CFAP97: variants seen among roughly 807,000 people sequenced by gnomAD.
The protein encoded by CFAP97 is cilia and flagella associated protein 97.
A neutral mutation model predicts 43.1 loss-of-function variants in CFAP97; 36 were observed. The ratio of observed to expected loss-of-function variants is 0.84; its 90% confidence interval spans 0.64 to 1.10. The LOEUF (loss-of-function observed/expected upper bound fraction) is 1.10, where lower values mean the gene tolerates loss of function less well. Ranked by LOEUF, CFAP97 falls within the 50% of genes least tolerant of loss-of-function variation. The pLI, the probability that CFAP97 is intolerant of heterozygous loss-of-function variation, is 0.00. For synonymous variants in CFAP97, 228 were observed against 225.7 expected, an observed-to-expected ratio of 1.01 and a Z score of -0.09; for missense variants, 657 against 620.3, an observed-to-expected ratio of 1.06 and a Z score of -0.63.
At chr4:185,179,469 T>G (rs1189344938) in intron 2 of CFAP97, among the ~76,000 whole-genome samples, 1 of 152,142 alleles carries the variant, frequency 6.6e-6, no homozygotes, top group East Asian at 1.9e-4. Context: ...TGAGGCTAGG[T>G]CATAAAAGGC....
At chr4:185,169,866 A>G (rs1221208384) in intron 3 of CFAP97, 4 of 985,892 alleles carry the variant, frequency 4.1e-6, no homozygotes, top group South Asian at 4.7e-5. Context: ...ACGGAAGGAG[A>G]TAACAGACCT....
intron 1 of CFAP97, among the ~76,000 whole-genome samples, chr4:185,193,174 C>G (rs1167652370): frequency 6.6e-6 from 1 of 152,108 alleles, no homozygotes; most frequent in Non-Finnish European, 1.5e-5. Flanking sequence ...ACAAATATGC[C>G]TGGGGTGGCA....
At chr4:185,205,500 A>G (rs192056153), upstream of CFAP97, among the ~76,000 whole-genome samples, 173 of 152,132 alleles carry the variant, frequency 1.1e-3, 1 homozygote, top group Middle Eastern at 0.01. Context: ...AGTGCTTAAT[A>G]AAACTGTGTT....
In CFAP97 at chr4:185,190,827, C is replaced by T; in HGVS notation, c.370G>A (p.Val124Ile). 1 of 1,609,236 alleles carries T rather than the reference C, an allele frequency of 6.2e-7. No individual in the cohort carries two copies. Among genetic ancestry groups the T allele is most frequent in the Non-Finnish European group, 8.5e-7 (1 of 1,177,364 alleles). ...TAGTAATCATCTTCACCTTCTTTTA[C>T]AATTTTGGGAATTCTATTTGGAATG... ...VSIPNRIPKI[V>I]KEGEDDYYTD... Residue 124 changes from valine (V) to isoleucine (I), a missense_variant, in exon 2 of 5, where the codon GTA (valine) becomes ATA (isoleucine). Val to Ile is a conservative substitution (Grantham distance 29). Coordinates refer to ENST00000458385, the MANE Select transcript of CFAP97 (RefSeq NM_020827.3).
chr4:185,180,057 A>G (rs577822103), intron 2 of CFAP97, among the ~76,000 whole-genome samples: 66 of 151,756 alleles, frequency 4.3e-4, no homozygotes, highest in Non-Finnish European at 5.0e-4. Flanking sequence ...AATAGGATTG[A>G]TAAGTTTTAC....
In CFAP97 at chr4:185,162,748, G is replaced by T; in HGVS notation, c.*50C>A. On this transcript the variant is annotated 3_prime_UTR_variant, in exon 5 of 5. Transcript: ENST00000458385. ...CACAGAGAATTATAGGAATATGCAC[G>T]AGCACTTCAAGAAAAGTTGTGTGAA... The T allele has an allele frequency of 1.3e-6, 2 of 1,576,780 alleles. No homozygotes were observed. The highest frequency in any genetic ancestry group is 2.3e-5 in the South Asian group (2 of 87,518).
upstream of CFAP97, chr4:185,210,238 G>T: frequency 1.0e-6 from 1 of 984,872 alleles, no homozygotes; most frequent in Non-Finnish European, 1.2e-6. This position sits in a 1 kb window ranked among gnomAD's most constrained non-coding sequence, Gnocchi z 4.4. Context: ...GACCTCAGCC[G>T]CCCGCCGCCC....
At chr4:185,204,644 T>G (rs1008669588), upstream of CFAP97, among the ~76,000 whole-genome samples, 2 of 152,228 alleles carry the variant, frequency 1.3e-5, no homozygotes, top group Non-Finnish European at 1.5e-5. Flanking sequence ...TTAGCTGATG[T>G]GATTAAGGAT....
intron 3 of CFAP97, chr4:185,170,159 C>G: frequency 1.5e-6 from 1 of 649,916 alleles, no homozygotes; most frequent in Non-Finnish European, 2.3e-6. Context: ...ACCAGCCTGG[C>G]TAACATGGCA....
chr4:185,196,712 G>C (rs1736561611), intron 1 of CFAP97, among the ~76,000 whole-genome samples: 2 of 152,182 alleles, frequency 1.3e-5, no homozygotes, highest in South Asian at 4.1e-4. Context: ...GTATTAGACA[G>C]TGTCAAGTGT....
At chr4:185,192,596 T>G (rs897166696) in intron 1 of CFAP97, among the ~76,000 whole-genome samples, 1 of 144,538 alleles carries the variant, frequency 6.9e-6, no homozygotes. Flanking sequence ...AACATCACTA[T>G]AAAGTCATAG....
At chr4:185,206,685 A>T (rs1041079536), upstream of CFAP97, among the ~76,000 whole-genome samples, 1 of 150,406 alleles carries the variant, frequency 6.6e-6, no homozygotes, top group African/African-American at 2.5e-5. Flanking sequence ...AAAAAAAAGA[A>T]TGGAAGATGT....
chr4:185,204,216 GGC>G (rs1737082545), upstream of CFAP97: 2 of 152,254 alleles, frequency 1.3e-5, no homozygotes, highest in African/African-American at 4.8e-5. Context: ...TGGTTGCCAT[GGC>G]GCCCTAGAGG....
intron 2 of CFAP97, among the ~76,000 whole-genome samples, chr4:185,181,572 G>A (rs1385330725): frequency 3.9e-5 from 6 of 152,016 alleles, no homozygotes; most frequent in African/African-American, 1.4e-4. Context: ...TGATCCGCCC[G>A]CCTCGGCCTC....
intron 2 of CFAP97, among the ~76,000 whole-genome samples, chr4:185,177,883 G>A (rs1005219726): frequency 4.0e-5 from 6 of 151,896 alleles, no homozygotes; most frequent in African/African-American, 1.4e-4. Flanking sequence ...AGTAAGTATG[G>A]TATAGAAAAG....
upstream of CFAP97, among the ~76,000 whole-genome samples, chr4:185,206,660 CAAAAA>C (rs375061067): frequency 1.3e-5 from 1 of 77,436 alleles, no homozygotes; most frequent in Non-Finnish European, 2.3e-5. Context: ...ACTCTTGTCT[CAAAAA>C]AAAAAAAAAA....
At chr4:185,193,009 A>G (rs879801036) in intron 1 of CFAP97, among the ~76,000 whole-genome samples, 4 of 151,938 alleles carry the variant, frequency 2.6e-5, no homozygotes, top group Admixed American at 6.6e-5. Context: ...CAAAGTGCTC[A>G]AATTACAGGC....
intron 1 of CFAP97, among the ~76,000 whole-genome samples, chr4:185,199,788 T>C (rs1228815460): frequency 6.6e-6 from 1 of 152,222 alleles, no homozygotes; most frequent in African/African-American, 2.4e-5. Context: ...ACAGCCATAA[T>C]TCACTTTATG....
chr4:185,172,407 C>T (rs1735337741), intron 3 of CFAP97, among the ~76,000 whole-genome samples: 1 of 152,178 alleles, frequency 6.6e-6, no homozygotes, highest in African/African-American at 2.4e-5. Flanking sequence ...TCGTTGCCTT[C>T]CTTCTCTACC....
Sources: gnomAD v4.1 joint callset for allele counts (sites outside exome capture counted in the v4.1 genomes callset) on GRCh38, gnomAD v4.1.1 for gene constraint, Gnocchi (gnomAD v3.1) non-coding constraint, MANE v1.5 for transcripts, NCBI Gene and HGNC (gene_info 2026-07-23, HGNC 2026-07-21) for gene names.